SORBS3: variants seen among roughly 807,000 people sequenced by gnomAD.
SORBS3 encodes vinexin.
In SORBS3, 69 loss-of-function variants were observed where a neutral mutation model predicts 98.0. The observed-to-expected ratio is 0.70, with a 90% CI of 0.58 to 0.86. The LOEUF (loss-of-function observed/expected upper bound fraction) is 0.86. Ranked by LOEUF, SORBS3 falls within the 40% of genes least tolerant of loss-of-function variation. SORBS3 has a pLI of 0.00. For missense variants in SORBS3, 954 were observed against 908.5 expected, an observed-to-expected ratio of 1.05 and a Z score of -0.64; for synonymous variants, 394 against 355.4, an observed-to-expected ratio of 1.11 and a Z score of -1.22.
intron 20 of SORBS3, 80 bp from the exon 21 acceptor site, chr8:22,574,587 C>T (rs1840679009): frequency 4.9e-6 from 7 of 1,422,994 alleles, no homozygotes; most frequent in Middle Eastern, 1.9e-4. Flanking sequence ...TGGGCACTGC[C>T]GGCAGGGGGC....
At chr8:22,561,995 G>A (rs569684575) in intron 7 of SORBS3, 64 bp downstream of exon 7, 7 of 1,510,534 alleles carry the variant, frequency 4.6e-6, no homozygotes, top group Non-Finnish European at 6.4e-6. Flanking sequence ...ACCATGGGAC[G>A]GGCGCCCCCT....
upstream of SORBS3, among the ~76,000 whole-genome samples, chr8:22,550,573 C>T (rs751341686): frequency 1.9e-4 from 29 of 152,182 alleles, no homozygotes; most frequent in Non-Finnish European, 4.1e-4. Context: ...TTCAAGGCAA[C>T]GGGGAGAGCT....
At chr8:22,572,272 G>T in intron 19 of SORBS3, 68 bp from the exon 20 acceptor site, 1 of 1,308,864 alleles carries the variant, frequency 7.6e-7, no homozygotes, top group Admixed American at 1.7e-5. Flanking sequence ...GGCATTCACA[G>T]GAAGCGGCAA....
intron 20 of SORBS3, among the ~76,000 whole-genome samples, chr8:22,574,397 G>T (rs574907311): frequency 1.5e-4 from 14 of 95,550 alleles, no homozygotes; most frequent in South Asian, 1.1e-3. Context: ...TGCGGAGGAG[G>T]GGGGGAGTGA....
At chr8:22,555,070 C>A (rs765763475) in intron 3 of SORBS3, 90 bp downstream of exon 3, 256 of 1,110,488 alleles carry the variant, frequency 2.3e-4, no homozygotes, top group South Asian at 1.5e-4. Flanking sequence ...GGGGCAGCAG[C>A]TGGAGATGGG....
chr8:22,565,760 G>A (rs978337922), intron 11 of SORBS3, 66 bp from the exon 12 acceptor site: 17 of 1,289,588 alleles, frequency 1.3e-5, no homozygotes, highest in Non-Finnish European at 1.6e-5. Context: ...TTTTCCGGAG[G>A]CGGCGGCCTC....
chr8:22,558,956 G>A (rs1249167785), intron 5 of SORBS3, among the ~76,000 whole-genome samples: 1 of 152,250 alleles, frequency 6.6e-6, no homozygotes, highest in African/African-American at 2.4e-5. Context: ...GGAGCGAGGA[G>A]CATGTGGTGG....
intron 6 of SORBS3, chr8:22,561,607 C>T (rs1840296470): frequency 3.3e-6 from 2 of 612,580 alleles, no homozygotes; most frequent in African/African-American, 3.7e-5. Flanking sequence ...CGGGATTTCT[C>T]TGGGCCTCCC....
chr8:22,569,239 A>G lies in SORBS3; in HGVS notation c.1397A>G (p.Lys466Arg). ...YGEAVAQYTF[K>R]GDLEVELSFR... ...GAGGCTGTGGCCCAGTACACCTTCA[A>G]GGGGGACCTGGAGGTGGAGCTGTCC... is the stretch of plus-strand genomic sequence containing the variant. Residue 466 changes from lysine (K) to arginine (R), a missense_variant, in exon 17 of 21, where the codon AAG becomes AGG. Physicochemically the swap from Lys to Arg is conservative, Grantham distance 26 (BLOSUM62 2). Transcript: ENST00000240123. The G allele has an allele frequency of 6.2e-7, 1 of 1,604,342 alleles. No homozygotes were observed.
intron 7 of SORBS3, 35 bp from the exon 8 acceptor site, chr8:22,563,952 A>G (rs1293403564): frequency 1.3e-6 from 2 of 1,550,544 alleles, no homozygotes; most frequent in African/African-American, 1.4e-5. Context: ...GTCTCCCTAA[A>G]AGGAAGCTGA....
chr8:22,557,006 G>C, intron 4 of SORBS3, 98 bp downstream of exon 4: 2 of 1,329,436 alleles, frequency 1.5e-6, no homozygotes, highest in Non-Finnish European at 2.1e-6. Context: ...AATAAAGGCC[G>C]CACCCAAACC....
chr8:22,566,901 A>G (rs757954677), intron 15 of SORBS3, 33 bp downstream of exon 15: 1 of 1,596,396 alleles, frequency 6.3e-7, no homozygotes, highest in Admixed American at 1.7e-5. Flanking sequence ...CCTTCCACCC[A>G]AGGCAATCTC....
chr8:22,558,792 C>A (rs188671014), intron 5 of SORBS3, among the ~76,000 whole-genome samples: 1 of 152,184 alleles, frequency 6.6e-6, no homozygotes, highest in African/African-American at 2.4e-5. Flanking sequence ...CACCCAGGAG[C>A]GGCCAGGAAG....
At chr8:22,560,980 G>A (rs1840283129) in intron 5 of SORBS3, 1 of 243,634 alleles carries the variant, frequency 4.1e-6, no homozygotes, top group African/African-American at 2.2e-5. Context: ...GGCAAATGGG[G>A]AAGGAAAGCG....
Position 22,565,303 on chromosome 8 carries a change from C to T in SORBS3, c.852C>T (p.Ala284=). ...AGAGAGAGCTGGCCGAGCTGAGCGCCGAGCTGGACAAGGACCTGCGGGCAA... is the reference window on the plus strand; with the variant it reads ...AGAGAGAGCTGGCCGAGCTGAGCGCTGAGCTGGACAAGGACCTGCGGGCAA... The part of the protein sequence containing the change: ...LLERELAELS[A]ELDKDLRAIE... The change falls in exon 11 of 21, where the codon GCC becomes GCT. Residue 284 remains alanine, a synonymous_variant. Coordinates refer to ENST00000240123, the MANE Select transcript of SORBS3 (RefSeq NM_005775.5). 1.3e-6 allele frequency: 2 copies of T among 1,558,884 alleles called. No homozygotes were observed. The highest frequency in any genetic ancestry group is 1.7e-6 in the Non-Finnish European group (2 of 1,151,724).
upstream of SORBS3, chr8:22,551,864 G>A (rs1316768691): frequency 4.1e-6 from 4 of 984,458 alleles, no homozygotes; most frequent in Non-Finnish European, 1.2e-6. The surrounding 1 kb of genome is among the most constrained non-coding windows in gnomAD (Gnocchi z 5.8). Flanking sequence ...GCCGGCGCCC[G>A]GCCCGGCCCG....
In SORBS3 at chr8:22,556,704, G is replaced by C. The variant is rs745885365; in HGVS notation, c.221-11G>C. Reference sequence around the variant, plus strand: ...GCCTTTCACTAATGCTCTCCTGCACGCACCCAACAGACCCTGCGTGGTATC... The same window carrying C: ...GCCTTTCACTAATGCTCTCCTGCACCCACCCAACAGACCCTGCGTGGTATC... On this transcript the variant is annotated splice_polypyrimidine_tract_variant and intron_variant, in intron 3 of 20. Coordinates refer to ENST00000240123, the MANE Select transcript of SORBS3 (RefSeq NM_005775.5). 27 of 1,613,144 alleles carry C rather than the reference G, an allele frequency of 1.7e-5. No individual in the cohort carries two copies. Among genetic ancestry groups the C allele is most frequent in the Non-Finnish European group, 1.7e-6 (2 of 1,179,796 alleles).
Position 22,566,405 on chromosome 8 carries a change from C to G in SORBS3, c.1011C>G (p.Ser337=), listed in dbSNP as rs767458311. 1.2e-5 allele frequency: 20 copies of G among 1,614,102 alleles called. 1 individual carries two copies. The Admixed American group carries it at 3.3e-4, about 27-fold the overall frequency. The change falls in exon 13 of 21, where the codon TCC becomes TCG. Residue 337 remains serine (S), a synonymous_variant. Transcript: ENST00000240123. ...CACCTTACCTGGGTTCCGCCCGGTCCCTGAGTCCCCACAAAATGGCTGATG... is the reference window on the plus strand; with the variant it reads ...CACCTTACCTGGGTTCCGCCCGGTCGCTGAGTCCCCACAAAATGGCTGATG... ...PHAPYLGSAR[S]LSPHKMADGG...
chr8:22,548,327 G>A (rs973438433), upstream of SORBS3, among the ~76,000 whole-genome samples: 1 of 152,188 alleles, frequency 6.6e-6, no homozygotes, highest in Non-Finnish European at 1.5e-5. Flanking sequence ...AATCAACAGA[G>A]GACCCAGGAG....
Sources: allele counts gnomAD v4.1 joint callset (sites outside exome capture counted in the v4.1 genomes callset), GRCh38; gene constraint gnomAD v4.1.1; non-coding constraint Gnocchi (gnomAD v3.1); transcripts MANE v1.5; gene names NCBI Gene and HGNC (gene_info 2026-07-23, HGNC 2026-07-21).